The following DPH6 variants were observed in gnomAD, a reference collection of about 807,000 sequenced individuals.
DPH6 encodes the protein diphthamine biosynthesis 6, also known as diphthine--ammonia ligase.
In DPH6, 33 loss-of-function variants were observed where a neutral mutation model predicts 38.2. The ratio of observed to expected loss-of-function variants is 0.86; its 90% CI spans 0.65 to 1.15. The LOEUF is 1.15. DPH6 is among the 50% of genes most tolerant of loss of function. The pLI is 0.00. For missense variants in DPH6, 325 were observed against 320.0 expected, an observed-to-expected ratio of 1.02 and a Z score of -0.12; for synonymous variants, 108 against 103.0, an observed-to-expected ratio of 1.05 and a Z score of -0.30.
At chr15:35,229,764 C>G (rs186164679) in intron 3 of DPH6, among the ~76,000 whole-genome samples, 1 of 152,138 alleles carries the variant, frequency 6.6e-6, no homozygotes, top group African/African-American at 2.4e-5. Context: ...ACCCAAAGCT[C>G]GGTAAACTGT....
chr15:35,228,219 TAA>T (rs1411472489), intron 3 of DPH6, among the ~76,000 whole-genome samples: 7 of 152,236 alleles, frequency 4.6e-5, no homozygotes. Context: ...CCTTAAAAGT[TAA>T]AAAGTGTCCC....
At chr15:35,279,625 T>C (rs2051885410) in intron 3 of DPH6, among the ~76,000 whole-genome samples, 3 of 152,160 alleles carry the variant, frequency 2.0e-5, no homozygotes, top group African/African-American at 7.2e-5. Context: ...TCTCTCACCA[T>C]AGGATGCACC....
In DPH6 at chr15:35,462,266, A is replaced by G. The variant is rs77406031; in HGVS notation, c.313-7446T>C. ...AGTCCACTCTTCCTCCCTACAGTCT[A>G]TCTCCACAAACAGAGTGATCTTTCT... On this transcript the variant is annotated intron_variant, in intron 3 of 8. Coordinates refer to ENST00000256538, the MANE Select transcript of DPH6 (RefSeq NM_080650.4). 9.1e-3 allele frequency among the ~76,000 whole-genome samples: 1,379 copies of G among 152,254 alleles called. 23 individuals are homozygous for G. Among genetic ancestry groups the G allele is most frequent in the African/African-American group, 0.031 (1,306 of 41,542 alleles).
intron 5 of DPH6, among the ~76,000 whole-genome samples, chr15:35,424,353 T>A (rs889411018): frequency 6.6e-6 from 1 of 151,682 alleles, no homozygotes; most frequent in African/African-American, 2.4e-5. Flanking sequence ...GATTTCCTTT[T>A]CAGATAGTTT....
intron 3 of DPH6, among the ~76,000 whole-genome samples, chr15:35,295,957 T>C (rs537387696): frequency 1.3e-5 from 2 of 151,920 alleles, no homozygotes; most frequent in East Asian, 3.9e-4. Flanking sequence ...AGTCTCGCTC[T>C]ATCTCAAAAA....
chr15:35,496,567 A>AAAAAAAAAAAAAAATATAT, intron 3 of DPH6, among the ~76,000 whole-genome samples: 2 of 31,016 alleles, frequency 6.4e-5, no homozygotes, highest in African/African-American at 2.7e-4. Flanking sequence ...AAAAAAAAAA[A>AAAAAAAAAAAAAAATATAT]ATATATATAT....
At chr15:35,315,977 A>G (rs981462300) in intron 3 of DPH6, among the ~76,000 whole-genome samples, 8 of 152,196 alleles carry the variant, frequency 5.3e-5, no homozygotes, top group Non-Finnish European at 1.2e-4. Context: ...TCAATGTAGG[A>G]ACTAAAAAAG....
At chr15:35,356,288 A>G (rs1289964701) in intron 3 of DPH6, among the ~76,000 whole-genome samples, 3 of 152,168 alleles carry the variant, frequency 2.0e-5, no homozygotes, top group African/African-American at 7.2e-5. Context: ...CAACTCGTCA[A>G]AGTCATTCTC....
At chr15:35,163,713 G>T in the DPH6 span, among the ~76,000 whole-genome samples, 2 of 151,846 alleles carry the variant, frequency 1.3e-5, no homozygotes, top group East Asian at 3.9e-4. Context: ...TTTGTGGACT[G>T]CACTGGTCAT....
intron 3 of DPH6, chr15:35,237,380 G>A (rs2051560894): frequency 1.9e-6 from 3 of 1,603,088 alleles, no homozygotes; most frequent in Middle Eastern, 1.7e-4. Flanking sequence ...GCCCTCTGAT[G>A]TGAAAGAACT....
the DPH6 span, among the ~76,000 whole-genome samples, chr15:35,194,954 T>A: frequency 1.3e-5 from 2 of 152,266 alleles, no homozygotes; most frequent in South Asian, 4.1e-4. Context: ...CTATTTTGAA[T>A]TGTACAATTA....
intron 3 of DPH6, among the ~76,000 whole-genome samples, chr15:35,356,892 AGAGCC>A (rs1342653133): frequency 6.6e-6 from 1 of 152,204 alleles, no homozygotes; most frequent in African/African-American, 2.4e-5. Context: ...TGGAGTCTAC[AGAGCC>A]AGGCAGGCCT....
In DPH6 at chr15:35,381,885, C is replaced by T; in HGVS notation, c.599G>A (p.Gly200Glu). The T allele has an allele frequency of 3.1e-6, 5 of 1,613,658 alleles. No homozygotes were observed. In the East Asian group the frequency reaches 1.1e-4, roughly 36 times the overall value. Reference protein sequence around the residue: ...LSKKYGVHVCGEGGEYETFTL... With the variant: ...LSKKYGVHVCEEGGEYETFTL... ...GAAAGTTTCATACTCTCCACCTTCT[C>T]CACAAACATGTACTCCATACTTCTT... is the stretch of plus-strand genomic sequence containing the variant. The change falls in exon 7 of 9, where the codon GGA becomes GAA. Residue 200 changes from glycine to glutamate, a missense_variant. Gly to Glu is a moderately conservative substitution (Grantham distance 98). Coordinates refer to ENST00000256538, the MANE Select transcript of DPH6 (RefSeq NM_080650.4).
At chr15:35,314,219 T>C (rs2052168250) in intron 3 of DPH6, among the ~76,000 whole-genome samples, 1 of 151,922 alleles carries the variant, frequency 6.6e-6, no homozygotes, top group South Asian at 2.1e-4. Context: ...ATCAGAGAAA[T>C]GTAAGTTGGT....
intron 3 of DPH6, among the ~76,000 whole-genome samples, chr15:35,306,924 T>C (rs2052096727): frequency 6.6e-6 from 1 of 152,102 alleles, no homozygotes; most frequent in Admixed American, 6.6e-5. Context: ...ACGTGGCCCT[T>C]AAGAACAAAG....
intron 3 of DPH6, among the ~76,000 whole-genome samples, chr15:35,271,659 C>T (rs752275759): frequency 3.9e-5 from 6 of 152,280 alleles, no homozygotes; most frequent in Admixed American, 6.5e-5. Context: ...AGCTGACCCA[C>T]GATGGTGGTA....
At chr15:35,150,299 A>G in the DPH6 span, among the ~76,000 whole-genome samples, 3 of 152,230 alleles carry the variant, frequency 2.0e-5, no homozygotes, top group African/African-American at 7.2e-5. Flanking sequence ...CATATTTCTT[A>G]TCAGATGGTG....
At chr15:35,344,477 C>A (rs1474787910) in intron 3 of DPH6, among the ~76,000 whole-genome samples, 1 of 151,780 alleles carries the variant, frequency 6.6e-6, no homozygotes, top group African/African-American at 2.4e-5. Flanking sequence ...ATTACCATCC[C>A]CTGTTCTTTT....
intron 3 of DPH6, among the ~76,000 whole-genome samples, chr15:35,225,070 A>C: frequency 6.6e-6 from 1 of 152,176 alleles, no homozygotes; most frequent in East Asian, 1.9e-4. Flanking sequence ...ATGTCTCCTT[A>C]GTTTCCTCTG....
Sources: gnomAD v4.1 joint callset for allele counts (sites outside exome capture counted in the v4.1 genomes callset) on GRCh38, gnomAD v4.1.1 for gene constraint, MANE v1.5 for transcripts, NCBI Gene and HGNC (gene_info 2026-07-23, HGNC 2026-07-21) for gene names.